Variants in STAG1 observed in about 807,000 individuals in gnomAD.
STAG1 encodes STAG1 cohesin complex component.
STAG1 carries 26 observed loss-of-function variants against 170.9 expected under a neutral mutation model. The observed-to-expected ratio is 0.15, with a 90% confidence interval of 0.11 to 0.21. The LOEUF (loss-of-function observed/expected upper bound fraction) is 0.21, where lower values mean the gene tolerates loss of function less well. Ranked by LOEUF, STAG1 falls within the 10% of genes least tolerant of loss-of-function variation. The pLI is 1.00. For missense variants in STAG1, 964 were observed against 1,509.5 expected, an observed-to-expected ratio of 0.64 and a Z score of 5.99; for synonymous variants, 514 against 497.7, an observed-to-expected ratio of 1.03 and a Z score of -0.44.
intron 4 of STAG1, among the ~76,000 whole-genome samples, chr3:136,571,295 G>A (rs753344827): frequency 1.3e-5 from 2 of 152,188 alleles, no homozygotes; most frequent in African/African-American, 2.4e-5. Flanking sequence ...TGGTCTGAGC[G>A]TGGTGGCGCA....
intron 9 of STAG1, among the ~76,000 whole-genome samples, chr3:136,479,546 A>G (rs2089867481): frequency 1.6e-5 from 1 of 63,752 alleles, no homozygotes; most frequent in Admixed American, 1.8e-4. Flanking sequence ...ATACGTGTGC[A>G]TGTGTCTTTA....
intron 10 of STAG1, among the ~76,000 whole-genome samples, chr3:136,474,889 G>A (rs1033834802): frequency 6.6e-6 from 1 of 152,098 alleles, no homozygotes; most frequent in African/African-American, 2.4e-5. Flanking sequence ...CCCCTAGGAG[G>A]TTATGCTCCA....
chr3:136,453,209 T>C (rs1415186985), intron 13 of STAG1, among the ~76,000 whole-genome samples: 1 of 152,100 alleles, frequency 6.6e-6, no homozygotes, highest in African/African-American at 2.4e-5. Context: ...ATTAATAAAA[T>C]ATCATGTAGT....
At chr3:136,372,850 C>A (rs367896367) in intron 23 of STAG1, among the ~76,000 whole-genome samples, 16 of 152,044 alleles carry the variant, frequency 1.1e-4, no homozygotes, top group South Asian at 4.1e-4. Context: ...TATCAGGATG[C>A]TGCTGGCCTC....
chr3:136,613,313 C>CAAAAAAAA (rs60449608), intron 3 of STAG1, among the ~76,000 whole-genome samples: 1,357 of 59,632 alleles, frequency 0.023, 193 homozygotes, highest in African/African-American at 0.049. Context: ...GACTCCGTCT[C>CAAAAAAAA]AAAAAAAAAA....
intron 26 of STAG1, among the ~76,000 whole-genome samples, chr3:136,360,008 A>G (rs1463261749): frequency 6.6e-6 from 1 of 152,224 alleles, no homozygotes; most frequent in Non-Finnish European, 1.5e-5. Flanking sequence ...ACATGGTGCT[A>G]TGATTTTTCC....
rs199948249 is a variant in STAG1 at position 136,351,236 on chromosome 3, G to GT, written c.3066-1874dup. On this transcript the variant is annotated intron_variant, in intron 28 of 33. Transcript: ENST00000383202. Reference sequence around the variant, plus strand: ...AATGCTTTATCACCAATCTTTGGTGGTTATTAATAGGTTGCTGAGCTAACT... The same window carrying GT: ...AATGCTTTATCACCAATCTTTGGTGGTTTATTAATAGGTTGCTGAGCTAACT... Among the ~76,000 whole-genome samples the GT allele has an allele frequency of 3.4e-3, 511 of 151,538 alleles. 8 individuals carry two copies. The East Asian group carries it at 0.049, about 15-fold the overall frequency.
intron 20 of STAG1, among the ~76,000 whole-genome samples, chr3:136,418,385 A>G (rs1455356569): frequency 8.5e-6 from 1 of 117,320 alleles, no homozygotes; most frequent in Non-Finnish European, 1.9e-5. Flanking sequence ...AAAAAAAAAA[A>G]AAAAAAAAAA....
chr3:136,656,697 A>T (rs1033186820), intron 1 of STAG1, among the ~76,000 whole-genome samples: 7 of 151,140 alleles, frequency 4.6e-5, no homozygotes, highest in African/African-American at 1.7e-4. Flanking sequence ...CATAAAGGAA[A>T]TAAATAAATA....
At chr3:136,625,256 C>G (rs1940043528) in intron 2 of STAG1, among the ~76,000 whole-genome samples, 1 of 152,194 alleles carries the variant, frequency 6.6e-6, no homozygotes, top group Non-Finnish European at 1.5e-5. Flanking sequence ...GGCTCATTCC[C>G]TCTTCCTTAA....
At chr3:136,725,274 A>C (rs1254626435) in intron 1 of STAG1, among the ~76,000 whole-genome samples, 5 of 140,530 alleles carry the variant, frequency 3.6e-5, no homozygotes, top group African/African-American at 1.3e-4. Context: ...AAACAAAATT[A>C]TACGGGTGTG....
At chr3:136,557,508 T>C (rs1936670158) in intron 5 of STAG1, among the ~76,000 whole-genome samples, 1 of 152,218 alleles carries the variant, frequency 6.6e-6, no homozygotes, top group African/African-American at 2.4e-5. Context: ...AGTATCTTCA[T>C]GACCACGGTG....
At chr3:136,598,096 G>T (rs1938509965) in intron 4 of STAG1, among the ~76,000 whole-genome samples, 1 of 151,994 alleles carries the variant, frequency 6.6e-6, no homozygotes, top group Non-Finnish European at 1.5e-5. Context: ...TATACTAAAA[G>T]ATTTTCTAAT....
chr3:136,440,553 T>C (rs1001664709), intron 15 of STAG1, among the ~76,000 whole-genome samples: 2 of 152,024 alleles, frequency 1.3e-5, no homozygotes, highest in Non-Finnish European at 2.9e-5. Context: ...CTGGCAATTT[T>C]ATAGCTACAA....
intron 12 of STAG1, among the ~76,000 whole-genome samples, chr3:136,465,558 CAAAAAAAAAAAAAAA>C (rs11364802): frequency 2.7e-4 from 13 of 48,228 alleles, no homozygotes; most frequent in African/African-American, 1.2e-3. Flanking sequence ...ACTCTTGCCT[CAAAAAAAAAAAAAAA>C]AAAAAAAAAA....
Position 136,432,481 on chromosome 3 carries a change from A to T in STAG1, c.1650+1075T>A, listed in dbSNP as rs1465661742. Among the ~76,000 whole-genome samples the T allele has an allele frequency of 3.5e-5, 5 of 141,742 alleles. No individual in the cohort carries two copies. In the Admixed American group the frequency reaches 3.8e-4, roughly 11 times the overall value. The allele number at this position is 141,742 out of a possible 152,430, so 93.0% of individuals were successfully genotyped here. On this transcript the variant is annotated intron_variant, in intron 16 of 33. Coordinates refer to ENST00000383202, the MANE Select transcript of STAG1 (RefSeq NM_005862.3). Reference sequence around the variant, plus strand: ...GTAGACATTTTTGAATAATACAGTAACTAAAGATTTTAATTTTTGTTTTCT... The same window carrying T: ...GTAGACATTTTTGAATAATACAGTATCTAAAGATTTTAATTTTTGTTTTCT...
At chr3:136,423,415 C>T (rs1332129180) in intron 16 of STAG1, among the ~76,000 whole-genome samples, 1 of 152,120 alleles carries the variant, frequency 6.6e-6, no homozygotes, top group African/African-American at 2.4e-5. Context: ...AAAGTAACGC[C>T]TTTTAAATAC....
At chr3:136,646,048 T>C (rs1021979247) in intron 1 of STAG1, among the ~76,000 whole-genome samples, 6 of 152,182 alleles carry the variant, frequency 3.9e-5, no homozygotes, top group African/African-American at 7.2e-5. Context: ...TCTTCCAACA[T>C]TCACAGCTTT....
intron 15 of STAG1, among the ~76,000 whole-genome samples, chr3:136,438,997 G>C (rs2088544439): frequency 6.6e-6 from 1 of 151,628 alleles, no homozygotes. Context: ...AGTAGTTCGA[G>C]ACCAGCCTGG....
Sources: gnomAD v4.1 joint callset for allele counts (sites outside exome capture counted in the v4.1 genomes callset) on GRCh38, gnomAD v4.1.1 for gene constraint, MANE v1.5 for transcripts, NCBI Gene and HGNC (gene_info 2026-07-23, HGNC 2026-07-21) for gene names.